Variants in PKIB observed in about 807,000 individuals in gnomAD.
PKIB encodes the protein PKI-beta.
PKIB carries 2 observed loss-of-function variants against 4.5 expected under a neutral mutation model. The ratio of observed to expected loss-of-function variants is 0.44; its 90% CI spans 0.18 to 1.39. The LOEUF (loss-of-function observed/expected upper bound fraction) is 1.39, where lower values mean the gene tolerates loss of function less well. Among genes scored for constraint, PKIB ranks in the 40% most tolerant of loss-of-function variants. The pLI is 0.27. For missense variants in PKIB, 94 were observed against 92.6 expected, an observed-to-expected ratio of 1.02 and a Z score of -0.06; for synonymous variants, 38 against 36.0, an observed-to-expected ratio of 1.06 and a Z score of -0.20.
chr6:122,675,272 A>G (rs1425644539), intron 3 of PKIB, 128 bp downstream of exon 3: 1 of 152,500 alleles, frequency 6.6e-6, no homozygotes, highest in Non-Finnish European at 1.5e-5. Context: ...TTTGAATGAG[A>G]GTAATACATA....
chr6:122,696,551 G>T (rs1778581628), intron 3 of PKIB, among the ~76,000 whole-genome samples: 1 of 152,226 alleles, frequency 6.6e-6, no homozygotes, highest in East Asian at 1.9e-4. Context: ...GACAAGCAAT[G>T]GTCAAGAGAA....
chr6:122,617,886 G>A (rs1457689335), intron 1 of PKIB, among the ~76,000 whole-genome samples: 1 of 151,968 alleles, frequency 6.6e-6, no homozygotes, highest in Non-Finnish European at 1.5e-5. Context: ...TCCAGTTTTT[G>A]TACATTTGTA....
At chr6:122,558,620 C>A (rs1036320783) in intron 2 of PKIB, among the ~76,000 whole-genome samples, 1 of 152,176 alleles carries the variant, frequency 6.6e-6, no homozygotes, top group Non-Finnish European at 1.5e-5. Context: ...TCTTTTAATT[C>A]ATGTATCTTC....
At chr6:122,679,845 A>G (rs952378702) in intron 3 of PKIB, among the ~76,000 whole-genome samples, 3 of 152,198 alleles carry the variant, frequency 2.0e-5, no homozygotes, top group Non-Finnish European at 2.9e-5. Flanking sequence ...TGTGAGAGGT[A>G]TTCTTTTGTG....
At chr6:122,618,536 T>C (rs1775085838) in intron 1 of PKIB, among the ~76,000 whole-genome samples, 1 of 152,064 alleles carries the variant, frequency 6.6e-6, no homozygotes, top group Non-Finnish European at 1.5e-5. Flanking sequence ...AAAAAAAAGG[T>C]CTATTTATAT....
At chr6:122,511,834 A>T (rs1776597035) in intron 2 of PKIB, among the ~76,000 whole-genome samples, 1 of 152,202 alleles carries the variant, frequency 6.6e-6, no homozygotes, top group Non-Finnish European at 1.5e-5. Flanking sequence ...TGTATCTTTA[A>T]CTTATCAGAG....
intron 2 of PKIB, among the ~76,000 whole-genome samples, chr6:122,545,028 T>C (rs1355452744): frequency 2.0e-5 from 3 of 152,098 alleles, no homozygotes; most frequent in Non-Finnish European, 4.4e-5. Context: ...AGAATACTTA[T>C]ATACTGCTCG....
At chr6:122,578,012 T>G (rs1460695697) in intron 2 of PKIB, among the ~76,000 whole-genome samples, 1 of 151,812 alleles carries the variant, frequency 6.6e-6, no homozygotes, top group Non-Finnish European at 1.5e-5. Flanking sequence ...TTTTTTTTTG[T>G]AAAATTTAAG....
intron 2 of PKIB, among the ~76,000 whole-genome samples, chr6:122,659,248 G>A (rs1019342249): frequency 6.6e-6 from 1 of 152,102 alleles, no homozygotes; most frequent in Non-Finnish European, 1.5e-5. Flanking sequence ...AAATAAACTT[G>A]AATGTATTTT....
intron 2 of PKIB, among the ~76,000 whole-genome samples, chr6:122,547,671 C>T (rs958672160): frequency 5.3e-5 from 8 of 152,268 alleles, no homozygotes; most frequent in Non-Finnish European, 1.2e-4. Context: ...TCTGTCTTGG[C>T]TGCCTGGTCC....
At chr6:122,626,618 T>C (rs1360056352) in intron 1 of PKIB, among the ~76,000 whole-genome samples, 1 of 152,178 alleles carries the variant, frequency 6.6e-6, no homozygotes, top group Admixed American at 6.5e-5. Context: ...CAAAAGGAAA[T>C]GTGCATTCTG....
chr6:122,701,515 C>A, intron 3 of PKIB: 4 of 1,593,666 alleles, frequency 2.5e-6, no homozygotes, highest in Non-Finnish European at 3.4e-6. Flanking sequence ...AGTTAACAAC[C>A]ATTTTCTTCT....
intron 2 of PKIB, among the ~76,000 whole-genome samples, chr6:122,530,061 T>C (rs893110982): frequency 4.6e-5 from 7 of 152,036 alleles, no homozygotes; most frequent in African/African-American, 1.7e-4. Flanking sequence ...AGTATTCTCA[T>C]ATGTATATAT....
intron 2 of PKIB, among the ~76,000 whole-genome samples, chr6:122,648,247 T>C (rs1369866407): frequency 6.6e-6 from 1 of 152,240 alleles, no homozygotes; most frequent in Non-Finnish European, 1.5e-5. Flanking sequence ...AGCATAAGGT[T>C]GTGGGGACAT....
At chr6:122,669,317 A>C (rs574014634) in intron 2 of PKIB, among the ~76,000 whole-genome samples, 4 of 152,212 alleles carry the variant, frequency 2.6e-5, no homozygotes, top group East Asian at 1.9e-4. Context: ...TGATTGCTTC[A>C]GTTTTTTTTG....
At position 122,491,085 on chromosome 6, in the gene PKIB, C is replaced by T. The variant is rs191571013; in HGVS notation, c.-248+13146C>T. ...GAAAGTTTATTAAAAAGCTTTACAG[C>T]GGGAAGAAAAGTACACTAGGAAGAG... On this transcript the variant is annotated intron_variant, in intron 2 of 6. Coordinates refer to the PKIB transcript ENST00000392491. Among the ~76,000 whole-genome samples, 19 of 152,180 alleles carry T rather than the reference C, an allele frequency of 1.2e-4. No individual in the cohort carries two copies. The East Asian group carries it at 3.7e-3, about 29-fold the overall frequency.
chr6:122,607,706 T>C (rs1251353100), upstream of PKIB, among the ~76,000 whole-genome samples: 1 of 152,240 alleles, frequency 6.6e-6, no homozygotes, highest in Non-Finnish European at 1.5e-5. Context: ...GAAATAAGCT[T>C]TCTTCTAAGA....
intron 2 of PKIB, among the ~76,000 whole-genome samples, chr6:122,568,956 C>T (rs1047150718): frequency 6.6e-6 from 1 of 152,072 alleles, no homozygotes; most frequent in Non-Finnish European, 1.5e-5. Context: ...TGAGATTGGC[C>T]TCACCAACTG....
At chr6:122,594,195 G>A (rs1043127080) in intron 3 of PKIB, among the ~76,000 whole-genome samples, 5 of 151,486 alleles carry the variant, frequency 3.3e-5, no homozygotes, top group African/African-American at 1.2e-4. Context: ...AAAGGAGAAA[G>A]GAAATAAAAT....
Sources: gnomAD v4.1 joint callset for allele counts (sites outside exome capture counted in the v4.1 genomes callset) on GRCh38, gnomAD v4.1.1 for gene constraint, MANE v1.5 for transcripts, NCBI Gene and HGNC (gene_info 2026-07-23, HGNC 2026-07-21) for gene names.